CDH12: variants seen among roughly 807,000 people sequenced by gnomAD.
The protein encoded by CDH12 is cadherin 12, also known as cadherin-12.
A neutral mutation model predicts 74.1 loss-of-function variants in CDH12; 41 were observed. That is an observed-to-expected ratio of 0.55 (90% confidence interval 0.43 to 0.72). CDH12 has a LOEUF of 0.72. CDH12 is among the 30% of genes least tolerant of loss of function. The pLI, the probability that CDH12 is intolerant of heterozygous loss-of-function variation, is 0.00. For synonymous variants in CDH12, 399 were observed against 355.0 expected (o/e 1.12, Z -1.39); for missense variants, 945 against 977.2 (o/e 0.97, Z 0.44).
rs1580260066 is a variant in CDH12 at position 22,106,674 on chromosome 5, G to A, written c.-186-27812C>T. Among the ~76,000 whole-genome samples the A allele has an allele frequency of 2.0e-5, 3 of 152,302 alleles. No individual in the cohort carries two copies. In the South Asian group the frequency reaches 6.2e-4, roughly 32 times the overall value. ...CTGCCTATCCCATGGCTCCAAGCCT[G>A]TGCATTCACCCTAGCTGGGAAAACG... is the stretch of plus-strand genomic sequence containing the variant. On this transcript the variant is annotated intron_variant, in intron 4 of 14. Coordinates refer to ENST00000382254, the MANE Select transcript of CDH12 (RefSeq NM_004061.5).
At chr5:22,772,558 T>C (rs552102710) in intron 1 of CDH12, among the ~76,000 whole-genome samples, 1 of 152,262 alleles carries the variant, frequency 6.6e-6, no homozygotes, top group Non-Finnish European at 1.5e-5. Context: ...TTTCCTATTG[T>C]AATGGAAAAA....
At chr5:22,632,313 A>T (rs1039508033) in intron 1 of CDH12, among the ~76,000 whole-genome samples, 1 of 152,202 alleles carries the variant, frequency 6.6e-6, no homozygotes, top group Non-Finnish European at 1.5e-5. Flanking sequence ...ACCCAGTCTC[A>T]GGAGTTCCTT....
At chr5:21,795,134 A>G (rs553861612) in intron 10 of CDH12, among the ~76,000 whole-genome samples, 1 of 151,818 alleles carries the variant, frequency 6.6e-6, no homozygotes, top group East Asian at 1.9e-4. Flanking sequence ...TCTCAAAATC[A>G]TCAAAGAAGC....
chr5:22,148,773 T>C (rs1580324062), intron 4 of CDH12, among the ~76,000 whole-genome samples: 1 of 152,290 alleles, frequency 6.6e-6, no homozygotes, highest in East Asian at 1.9e-4. Flanking sequence ...TTCTTTCTTG[T>C]ATAACTCCCC....
At chr5:22,823,360 C>A (rs180988468) in intron 1 of CDH12, among the ~76,000 whole-genome samples, 2 of 152,026 alleles carry the variant, frequency 1.3e-5, no homozygotes, top group African/African-American at 4.8e-5. Context: ...TTGTGCACAT[C>A]TATCCTAAAA....
intron 2 of CDH12, among the ~76,000 whole-genome samples, chr5:22,451,089 T>G (rs1745024911): frequency 6.6e-6 from 1 of 151,812 alleles, no homozygotes; most frequent in Admixed American, 6.6e-5. Flanking sequence ...TTTCATTCTA[T>G]GCATTGCACT....
chr5:22,781,711 G>T (rs1049338128), intron 1 of CDH12, among the ~76,000 whole-genome samples: 7 of 152,098 alleles, frequency 4.6e-5, no homozygotes, highest in African/African-American at 1.7e-4. Context: ...TGCTTCTTCG[G>T]CCAGAATGCA....
chr5:22,655,975 G>A (rs904348443), intron 1 of CDH12, among the ~76,000 whole-genome samples: 12 of 152,140 alleles, frequency 7.9e-5, no homozygotes, highest in Non-Finnish European at 1.8e-4. Flanking sequence ...TTGCTGTGGT[G>A]GAAGAGAAGT....
intron 1 of CDH12, among the ~76,000 whole-genome samples, chr5:22,518,359 T>C (rs10065257): frequency 0.17 from 25,725 of 152,084 alleles, 2,702 homozygotes; most frequent in East Asian, 0.36. Flanking sequence ...TTGTATTGAA[T>C]AATATAGTTC....
chr5:22,063,988 T>TAC (rs10552100), intron 5 of CDH12, among the ~76,000 whole-genome samples: 2,070 of 146,828 alleles, frequency 0.014, 32 homozygotes, highest in African/African-American at 0.041. Context: ...ATTATGGAGA[T>TAC]ACACACACAC....
intron 3 of CDH12, among the ~76,000 whole-genome samples, chr5:22,343,859 C>T (rs55922213): frequency 0.069 from 10,474 of 152,244 alleles, 493 homozygotes; most frequent in South Asian, 0.16. Context: ...TCTCTCTTAG[C>T]ACAACTATCT....
At chr5:22,785,044 G>A (rs1433071391) in intron 1 of CDH12, among the ~76,000 whole-genome samples, 8 of 152,136 alleles carry the variant, frequency 5.3e-5, no homozygotes, top group Non-Finnish European at 4.4e-5. Context: ...TTTGTGTACG[G>A]CCCCTAACAA....
chr5:22,481,033 T>A (rs1397951900), intron 2 of CDH12, among the ~76,000 whole-genome samples: 1 of 152,226 alleles, frequency 6.6e-6, no homozygotes, highest in African/African-American at 2.4e-5. Context: ...ATTAAAAAAA[T>A]TATTATGACT....
intron 11 of CDH12, among the ~76,000 whole-genome samples, chr5:21,778,419 T>C (rs1360547987): frequency 1.5e-5 from 2 of 134,078 alleles, no homozygotes; most frequent in African/African-American, 5.6e-5. Context: ...TCACTTCTCA[T>C]ATGTTGTGAT....
intron 9 of CDH12, 31 bp from the exon 10 acceptor site, chr5:21,802,451 T>G: frequency 6.4e-7 from 1 of 1,564,864 alleles, no homozygotes; most frequent in Non-Finnish European, 8.8e-7. Context: ...GAATAAGGAG[T>G]AAATTTATAT....
chr5:22,630,387 T>C (rs1321606905), intron 1 of CDH12, among the ~76,000 whole-genome samples: 1 of 152,062 alleles, frequency 6.6e-6, no homozygotes, highest in Non-Finnish European at 1.5e-5. Context: ...ATTATCCAAC[T>C]TCGAACTAAG....
At chr5:22,411,960 C>T (rs1343893659) in intron 2 of CDH12, among the ~76,000 whole-genome samples, 1 of 151,920 alleles carries the variant, frequency 6.6e-6, no homozygotes, top group Non-Finnish European at 1.5e-5. Flanking sequence ...AGGCATTCCT[C>T]GTATTCAGTT....
At chr5:22,138,875 T>C (rs866504744) in intron 4 of CDH12, among the ~76,000 whole-genome samples, 86 of 137,628 alleles carry the variant, frequency 6.2e-4, no homozygotes, top group Middle Eastern at 3.7e-3. Flanking sequence ...TATATATATA[T>C]ACATGTTGGA....
At chr5:22,640,890 T>C (rs1580842972) in intron 1 of CDH12, among the ~76,000 whole-genome samples, 2 of 152,250 alleles carry the variant, frequency 1.3e-5, no homozygotes, top group South Asian at 2.1e-4. Context: ...CTTTGGAAAA[T>C]ACAAGCCAAT....
Sources: gnomAD v4.1 joint callset for allele counts (sites outside exome capture counted in the v4.1 genomes callset) on GRCh38, gnomAD v4.1.1 for gene constraint, MANE v1.5 for transcripts, NCBI Gene and HGNC (gene_info 2026-07-23, HGNC 2026-07-21) for gene names.